BBS9: variants seen among roughly 807,000 people sequenced by gnomAD.
The protein encoded by BBS9 is Bardet-Biedl syndrome 9, also known as protein PTHB1.
A neutral mutation model predicts 117.7 loss-of-function variants in BBS9; 89 were observed. That is an observed-to-expected ratio of 0.76 (90% CI 0.64 to 0.90). BBS9 has a LOEUF of 0.90. Among genes scored for constraint, BBS9 ranks in the 40% least tolerant of loss-of-function variants. BBS9 has a pLI of 0.00. For missense variants in BBS9, 982 were observed against 1,042.2 expected (o/e 0.94, Z 0.80); for synonymous variants, 379 against 370.9 (o/e 1.02, Z -0.25).
At chr7:33,521,323 T>A (rs528869811) in intron 20 of BBS9, among the ~76,000 whole-genome samples, 15 of 152,330 alleles carry the variant, frequency 9.8e-5, no homozygotes, top group African/African-American at 3.4e-4. Flanking sequence ...CTTCTGAAGG[T>A]CTCTTAGCTT....
At chr7:33,632,406 A>C (rs1235110312) in intron 21 of BBS9, among the ~76,000 whole-genome samples, 4 of 152,174 alleles carry the variant, frequency 2.6e-5, no homozygotes, top group African/African-American at 9.7e-5. Context: ...CTGTTTGTAC[A>C]ATGAGCCACA....
At chr7:33,366,534 CTTTTCTTTCTTTTTT>C (rs1821762896) in intron 16 of BBS9, among the ~76,000 whole-genome samples, 2 of 125,148 alleles carry the variant, frequency 1.6e-5, no homozygotes, top group Non-Finnish European at 3.4e-5. Context: ...TTTTTTTTTT[CTTTTCTTTCTTTTTT>C]TTTTTTTTTT....
rs939805930 is a variant in BBS9 at position 33,273,111 on chromosome 7, T to A, written c.802T>A (p.Phe268Ile). 5.0e-6 allele frequency: 8 copies of A among 1,613,630 alleles called. No individual in the cohort carries two copies. Among genetic ancestry groups the A allele is most frequent in the Middle Eastern group, 1.7e-4 (1 of 6,058 alleles). ...TGTTTTTGTTCTTGGTGAGAGAAAC[T>A]TTTTTTGCCTTAAGGATAATGGACA... ...SSVFVLGERNFFCLKDNGQIR... is the reference protein window; with the variant it reads ...SSVFVLGERNIFCLKDNGQIR... The change falls in exon 8 of 23, where the codon TTT becomes ATT. Residue 268 changes from phenylalanine to isoleucine, a missense_variant. Physicochemically the swap from Phe to Ile is conservative, Grantham distance 21 (BLOSUM62 0). Coordinates refer to ENST00000242067, the MANE Select transcript of BBS9 (RefSeq NM_198428.3).
intron 5 of BBS9, among the ~76,000 whole-genome samples, chr7:33,189,525 G>T (rs936830565): frequency 6.6e-6 from 1 of 151,968 alleles, no homozygotes; most frequent in African/African-American, 2.4e-5. Context: ...AAAAGGAAAA[G>T]AAATACTTTA....
intron 19 of BBS9, among the ~76,000 whole-genome samples, chr7:33,460,131 G>A (rs1449102189): frequency 6.6e-6 from 1 of 152,076 alleles, no homozygotes; most frequent in East Asian, 1.9e-4. Flanking sequence ...ACTTAATCCT[G>A]CCTTGTCTAC....
At chr7:33,398,994 TTAACTC>T in intron 19 of BBS9, among the ~76,000 whole-genome samples, 1 of 152,332 alleles carries the variant, frequency 6.6e-6, no homozygotes, top group South Asian at 2.1e-4. Context: ...TGTGTTTTAT[TTAACTC>T]TATATATTCA....
At position 33,231,352 on chromosome 7, in the gene BBS9, T is replaced by C. The variant is rs140126470; in HGVS notation, c.443-25884T>C. ...TGTTCTTTATTTACTTATTGTATCC[T>C]CTTGGTGCTGTTGGTAGACTGTATT... On this transcript the variant is annotated intron_variant, in intron 5 of 22. Transcript: ENST00000242067. 2.6e-5 allele frequency among the ~76,000 whole-genome samples: 4 copies of C among 151,908 alleles called. No individual in the cohort carries two copies. In the East Asian group the frequency reaches 7.8e-4, roughly 29 times the overall value.
Position 33,290,247 on chromosome 7 carries a change from C to A in BBS9, c.1016+16291C>A, listed in dbSNP as rs1803752274. Among the ~76,000 whole-genome samples the A allele has an allele frequency of 2.0e-5, 3 of 152,226 alleles. No individual in the cohort carries two copies. The South Asian group carries it at 6.2e-4, about 32-fold the overall frequency. ...ATAGTTAGATAAAGACCTCCACTTT[C>A]CAAAACCTTAGCAACGTGCATGCCA... is the stretch of plus-strand genomic sequence containing the variant. On this transcript the variant is annotated intron_variant, in intron 9 of 22. Transcript: ENST00000242067.
intron 21 of BBS9, among the ~76,000 whole-genome samples, chr7:33,535,368 A>G (rs754743058): frequency 2.0e-5 from 3 of 152,222 alleles, no homozygotes; most frequent in Non-Finnish European, 4.4e-5. Context: ...TGTTATGGAT[A>G]TATGCATGAT....
intron 21 of BBS9, among the ~76,000 whole-genome samples, chr7:33,534,790 AG>A (rs1451420295): frequency 6.6e-6 from 1 of 152,116 alleles, no homozygotes; most frequent in Non-Finnish European, 1.5e-5. Context: ...TCAGTCGTGC[AG>A]CCCTCAGGTC....
intron 19 of BBS9, among the ~76,000 whole-genome samples, chr7:33,418,094 A>T (rs1457369469): frequency 6.6e-6 from 1 of 152,172 alleles, no homozygotes; most frequent in Non-Finnish European, 1.5e-5. Context: ...TATAGAATGA[A>T]TTACTACAGC....
chr7:33,324,187 A>G (rs1812340896), intron 9 of BBS9, among the ~76,000 whole-genome samples: 1 of 151,844 alleles, frequency 6.6e-6, no homozygotes, highest in African/African-American at 2.4e-5. Flanking sequence ...GTACATTTTA[A>G]TTTCTTACTC....
intron 19 of BBS9, among the ~76,000 whole-genome samples, chr7:33,439,792 G>A (rs1456137677): frequency 1.3e-5 from 2 of 152,166 alleles, no homozygotes; most frequent in African/African-American, 4.8e-5. Context: ...CTCCCAAAGT[G>A]TTGGGATTAC....
chr7:33,295,062 T>C (rs1025371794), intron 9 of BBS9, among the ~76,000 whole-genome samples: 10 of 152,150 alleles, frequency 6.6e-5, no homozygotes, highest in Non-Finnish European at 1.2e-4. Context: ...AGAATGGGCA[T>C]ATTGAACATT....
At chr7:33,193,319 G>C (rs1264648900) in intron 5 of BBS9, among the ~76,000 whole-genome samples, 1 of 151,386 alleles carries the variant, frequency 6.6e-6, no homozygotes, top group African/African-American at 2.4e-5. Context: ...TTATTAAATT[G>C]CTCAGTAGTG....
chr7:33,577,182 A>G (rs1301995557), intron 21 of BBS9, among the ~76,000 whole-genome samples: 1 of 152,216 alleles, frequency 6.6e-6, no homozygotes, highest in Non-Finnish European at 1.5e-5. Flanking sequence ...TCCAGAATCT[A>G]CAAAGAACTT....
At chr7:33,315,883 A>C (rs895325531) in intron 9 of BBS9, among the ~76,000 whole-genome samples, 8 of 152,202 alleles carry the variant, frequency 5.3e-5, no homozygotes, top group Admixed American at 5.2e-4. Flanking sequence ...TGCACACAGC[A>C]CTAAGCTTAA....
intron 9 of BBS9, among the ~76,000 whole-genome samples, chr7:33,326,363 T>C (rs1202976816): frequency 6.6e-6 from 1 of 151,898 alleles, no homozygotes; most frequent in Non-Finnish European, 1.5e-5. Context: ...TTGTGATGAA[T>C]GCTGCCAGGC....
At chr7:33,346,927 A>G (rs1409431853) in intron 12 of BBS9, among the ~76,000 whole-genome samples, 2 of 152,218 alleles carry the variant, frequency 1.3e-5, no homozygotes, top group African/African-American at 4.8e-5. Context: ...ATGGCTTTGC[A>G]CAGGTTATTT....
Sources: gnomAD v4.1 joint callset for allele counts (sites outside exome capture counted in the v4.1 genomes callset) on GRCh38, gnomAD v4.1.1 for gene constraint, MANE v1.5 for transcripts, NCBI Gene and HGNC (gene_info 2026-07-23, HGNC 2026-07-21) for gene names.